Variants in SNTG1 observed in about 807,000 individuals in gnomAD.
SNTG1 encodes gamma-1-syntrophin.
In SNTG1, 39 loss-of-function variants were observed where a neutral mutation model predicts 74.7. The ratio of observed to expected loss-of-function variants is 0.52; its 90% CI spans 0.40 to 0.68. The LOEUF is 0.68. Ranked by LOEUF, SNTG1 falls within the 30% of genes least tolerant of loss-of-function variation. The probability of loss-of-function intolerance (pLI) is 0.00; values close to 1 mark genes in which losing one functional copy is unlikely to be tolerated. For synonymous variants in SNTG1, 254 were observed against 217.1 expected, an observed-to-expected ratio of 1.17 and a Z score of -1.49; for missense variants, 685 against 609.5, an observed-to-expected ratio of 1.12 and a Z score of -1.30.
intron 1 of SNTG1, among the ~76,000 whole-genome samples, chr8:50,103,636 G>C (rs1284334032): frequency 1.3e-5 from 2 of 152,146 alleles, no homozygotes; most frequent in African/African-American, 4.8e-5. Context: ...CCTGTCTTGT[G>C]CCAGTTTTCA....
At chr8:50,114,187 A>C (rs913837434) in intron 1 of SNTG1, among the ~76,000 whole-genome samples, 3 of 152,162 alleles carry the variant, frequency 2.0e-5, no homozygotes, top group African/African-American at 7.2e-5. Context: ...TAGAAAATCA[A>C]AGGTGCAACT....
At chr8:50,591,732 A>G (rs1461767711) in intron 13 of SNTG1, among the ~76,000 whole-genome samples, 1 of 152,238 alleles carries the variant, frequency 6.6e-6, no homozygotes, top group Non-Finnish European at 1.5e-5. Context: ...CTCCAAAGCC[A>G]TGTGTAACTA....
intron 1 of SNTG1, among the ~76,000 whole-genome samples, chr8:50,056,539 G>A (rs1398942060): frequency 6.6e-6 from 1 of 152,110 alleles, no homozygotes; most frequent in Admixed American, 6.5e-5. Flanking sequence ...AAATTTTCAG[G>A]CCCTGGAGTG....
intron 17 of SNTG1, among the ~76,000 whole-genome samples, chr8:50,751,597 C>T (rs2131700233): frequency 6.6e-6 from 1 of 152,076 alleles, no homozygotes; most frequent in Non-Finnish European, 1.5e-5. Flanking sequence ...AGGGTTTATT[C>T]AAGCTAATAT....
intron 15 of SNTG1, 43 bp from the exon 16 acceptor site, chr8:50,704,557 G>A: frequency 6.2e-7 from 1 of 1,613,368 alleles, no homozygotes; most frequent in Non-Finnish European, 8.5e-7. Flanking sequence ...TTAGCAATGT[G>A]AAGTGATGTG....
rs145649753 is a variant in SNTG1, at chr8:50,413,303, T to C, written c.162+10959T>C. ...CAGATATAGACAGATGATTGATTCA[T>C]AGGTATCAATAGATTAATTTAACAC... On this transcript the variant is annotated intron_variant, in intron 4 of 18. Transcript: ENST00000642720. Among the ~76,000 whole-genome samples the C allele has an allele frequency of 3.4e-3, 515 of 152,354 alleles. 3 individuals carry two copies. The highest frequency in any genetic ancestry group is 0.012 in the African/African-American group (490 of 41,592).
intron 1 of SNTG1, among the ~76,000 whole-genome samples, chr8:50,055,630 TA>T: frequency 6.6e-6 from 1 of 152,150 alleles, no homozygotes; most frequent in South Asian, 2.1e-4. Context: ...TGTTTGTGGG[TA>T]AAAAGAAATG....
chr8:50,158,943 G>C (rs1470078875), intron 1 of SNTG1, among the ~76,000 whole-genome samples: 1 of 152,048 alleles, frequency 6.6e-6, no homozygotes, highest in East Asian at 1.9e-4. Flanking sequence ...GTTCTTACTA[G>C]AGTTTACAAA....
chr8:50,108,103 C>T (rs770904804), intron 1 of SNTG1, among the ~76,000 whole-genome samples: 3 of 152,132 alleles, frequency 2.0e-5, no homozygotes, highest in Non-Finnish European at 2.9e-5. Flanking sequence ...TAGCCACCAA[C>T]GTGGGTCACA....
chr8:50,163,416 T>G (rs1251120337), intron 1 of SNTG1: 1 of 139,622 alleles, frequency 7.2e-6, no homozygotes, highest in South Asian at 2.2e-4. Context: ...TAATTCCAAG[T>G]TTTTTTTTTT....
chr8:50,562,196 G>A (rs943292715), intron 12 of SNTG1, among the ~76,000 whole-genome samples: 5 of 152,180 alleles, frequency 3.3e-5, no homozygotes, highest in African/African-American at 7.2e-5. Context: ...TAATGCCCAC[G>A]CAAAGATGTC....
intron 4 of SNTG1, among the ~76,000 whole-genome samples, chr8:50,434,209 G>A (rs2093276234): frequency 6.6e-6 from 1 of 152,082 alleles, no homozygotes; most frequent in South Asian, 2.1e-4. Flanking sequence ...TCCCTACAAA[G>A]GACATGAACT....
intron 1 of SNTG1, among the ~76,000 whole-genome samples, chr8:49,966,109 A>G (rs1463891406): frequency 6.6e-6 from 1 of 152,168 alleles, no homozygotes; most frequent in African/African-American, 2.4e-5. Context: ...TACTTGCTCA[A>G]GTCTCTCTTG....
At chr8:50,474,802 C>A (rs1391226341) in intron 8 of SNTG1, among the ~76,000 whole-genome samples, 1 of 151,910 alleles carries the variant, frequency 6.6e-6, no homozygotes, top group Non-Finnish European at 1.5e-5. Flanking sequence ...GCATTATTCA[C>A]AATAGCAAAG....
chr8:50,742,562 A>G (rs1585687806), intron 17 of SNTG1, among the ~76,000 whole-genome samples: 1 of 151,984 alleles, frequency 6.6e-6, no homozygotes, highest in East Asian at 1.9e-4. Flanking sequence ...AAAGAGGATG[A>G]AAACAAAAAC....
At chr8:50,277,376 C>T (rs984983177) in intron 2 of SNTG1, among the ~76,000 whole-genome samples, 2 of 151,620 alleles carry the variant, frequency 1.3e-5, no homozygotes, top group South Asian at 4.2e-4. Flanking sequence ...CTTTTATACT[C>T]AATTAACTAC....
intron 13 of SNTG1, among the ~76,000 whole-genome samples, chr8:50,610,185 A>T (rs1287530646): frequency 1.3e-5 from 2 of 152,072 alleles, no homozygotes; most frequent in Non-Finnish European, 2.9e-5. Context: ...GCAGCCACTG[A>T]TGTCTATGTA....
intron 8 of SNTG1, among the ~76,000 whole-genome samples, chr8:50,493,946 C>G (rs753567407): frequency 2.6e-5 from 4 of 151,536 alleles, no homozygotes; most frequent in Admixed American, 6.6e-5. Flanking sequence ...ATTGAAATTT[C>G]TTTTAGAAAT....
intron 1 of SNTG1, among the ~76,000 whole-genome samples, chr8:49,930,410 A>G (rs1807463091): frequency 6.6e-6 from 1 of 152,136 alleles, no homozygotes; most frequent in Non-Finnish European, 1.5e-5. Context: ...TTAACTAATT[A>G]AAAATTATTC....
Sources: gnomAD v4.1 joint callset for allele counts (sites outside exome capture counted in the v4.1 genomes callset) on GRCh38, gnomAD v4.1.1 for gene constraint, MANE v1.5 for transcripts, NCBI Gene and HGNC (gene_info 2026-07-23, HGNC 2026-07-21) for gene names.